The following RABEP1 variants were observed in gnomAD, a reference collection of about 807,000 sequenced individuals.
The protein encoded by RABEP1 is rabaptin, RAB GTPase binding effector protein 1.
In RABEP1, 51 loss-of-function variants were observed where a neutral mutation model predicts 123.4. That is an observed-to-expected ratio of 0.41 (90% confidence interval 0.33 to 0.52). The LOEUF (loss-of-function observed/expected upper bound fraction) is 0.52. RABEP1 is among the 20% of genes least tolerant of loss of function. The pLI, the probability that RABEP1 is intolerant of heterozygous loss-of-function variation, is 0.16. For missense variants in RABEP1, 888 were observed against 996.3 expected (o/e 0.89, Z 1.46); for synonymous variants, 347 against 355.2 (o/e 0.98, Z 0.26).
chr17:5,375,862 T>TTTTA (rs148587942), intron 13 of RABEP1, among the ~76,000 whole-genome samples: 39,496 of 149,832 alleles, frequency 0.26, 5,773 homozygotes, highest in East Asian at 0.58. Context: ...TTTTATTTCA[T>TTTTA]TTTATTTATT....
chr17:5,286,350 C>T (rs527696711), intron 1 of RABEP1, among the ~76,000 whole-genome samples: 12 of 152,148 alleles, frequency 7.9e-5, no homozygotes, highest in Admixed American at 4.6e-4. Context: ...AAAAGTTAGC[C>T]GGGTGTGGTG....
chr17:5,287,218 A>G (rs1460323503), intron 1 of RABEP1, among the ~76,000 whole-genome samples: 1 of 152,214 alleles, frequency 6.6e-6, no homozygotes, highest in African/African-American at 2.4e-5. Flanking sequence ...AGCTTTGAAC[A>G]GAGGAATGAT....
chr17:5,336,622 T>C, intron 4 of RABEP1: 1 of 373,524 alleles, frequency 2.7e-6, no homozygotes, highest in Admixed American at 4.4e-5. Flanking sequence ...AGGTTTTGTT[T>C]ATGATGACAT....
chr17:5,342,861 A>C (rs1399890597), intron 5 of RABEP1, among the ~76,000 whole-genome samples: 2 of 152,232 alleles, frequency 1.3e-5, no homozygotes, highest in Non-Finnish European at 2.9e-5. Context: ...GGATAAACAA[A>C]TGGATCAATA....
At chr17:5,334,789 C>G (rs565511760) in intron 3 of RABEP1, among the ~76,000 whole-genome samples, 16 of 152,260 alleles carry the variant, frequency 1.1e-4, no homozygotes, top group South Asian at 8.3e-4. Context: ...CGTATACTTT[C>G]AGGTAGTGGG....
chr17:5,327,296 C>T (rs559948937), intron 2 of RABEP1, among the ~76,000 whole-genome samples: 27 of 150,268 alleles, frequency 1.8e-4, no homozygotes, highest in East Asian at 1.6e-3. Context: ...TGCAGTGAGC[C>T]GAGATCATGC....
Position 5,313,344 on chromosome 17 carries a change from T to G in RABEP1, c.163+4522T>G, listed in dbSNP as rs537148122. Among the ~76,000 whole-genome samples the G allele has an allele frequency of 2.0e-5, 3 of 152,342 alleles. No individual in the cohort carries two copies. In the South Asian group the frequency reaches 6.2e-4, roughly 32 times the overall value. ...TGATGCTGGCTAATGATATCCATTT[T>G]CTCCTTTACCTCTTATACCAAAACC... On this transcript the variant is annotated intron_variant, in intron 2 of 17. Coordinates refer to ENST00000537505, the MANE Select transcript of RABEP1 (RefSeq NM_004703.6).
chr17:5,361,003 A>T, intron 8 of RABEP1: 1 of 569,884 alleles, frequency 1.8e-6, no homozygotes, highest in Non-Finnish European at 3.1e-6. Context: ...GTCAGGGATT[A>T]TATCTTGCTC....
In RABEP1 at chr17:5,383,383, G is replaced by A. The variant is rs1476576547; in HGVS notation, c.*160G>A. ...AGAGGGAGAAGACTGTGCGGCACAGGAAACAGCAAACAGTGGGGTGATCTG... is the reference window on the plus strand; with the variant it reads ...AGAGGGAGAAGACTGTGCGGCACAGAAAACAGCAAACAGTGGGGTGATCTG... On this transcript the variant is annotated 3_prime_UTR_variant, in exon 18 of 18. Transcript: ENST00000537505. The A allele has an allele frequency of 7.9e-6, 5 of 635,308 alleles. No homozygotes were observed. In the East Asian group the frequency reaches 1.1e-4, roughly 14 times the overall value. The allele number at this position is 635,308 out of a possible 1,614,324, so 39.4% of individuals were successfully genotyped here.
chr17:5,286,802 A>C (rs1044108340), intron 1 of RABEP1, among the ~76,000 whole-genome samples: 1 of 152,234 alleles, frequency 6.6e-6, no homozygotes, highest in Non-Finnish European at 1.5e-5. Context: ...AACAAACGTA[A>C]GCAAATGATA....
At chr17:5,370,003 T>C (rs1219278780) in intron 12 of RABEP1, among the ~76,000 whole-genome samples, 1 of 152,180 alleles carries the variant, frequency 6.6e-6, no homozygotes, top group Non-Finnish European at 1.5e-5. Flanking sequence ...CCGGCCTCCT[T>C]CTTGTCTCTT....
chr17:5,365,090 G>C, intron 10 of RABEP1, 32 bp from the exon 11 acceptor site: 1 of 1,389,228 alleles, frequency 7.2e-7, no homozygotes, highest in Non-Finnish European at 9.8e-7. Context: ...AAAGGATTCT[G>C]GTTTTTCTAA....
At chr17:5,318,855 C>G (rs968661886) in intron 2 of RABEP1, among the ~76,000 whole-genome samples, 1 of 152,154 alleles carries the variant, frequency 6.6e-6, no homozygotes, top group African/African-American at 2.4e-5. Context: ...AAGTTATACA[C>G]TGCAGCCACG....
At chr17:5,290,699 C>T (rs199747951) in intron 1 of RABEP1, among the ~76,000 whole-genome samples, 2 of 152,008 alleles carry the variant, frequency 1.3e-5, no homozygotes, top group East Asian at 3.9e-4. Context: ...TTCAAGTGAT[C>T]CTTTCATCTC....
rs144187933 is a variant in RABEP1, at chr17:5,382,372, G to A, written c.2488-750G>A. ...GCTGGGATTACAGGCGTGAGCCACCGTGCCCGGACTGGAACTGTGGATTCT... is the reference window on the plus strand; with the variant it reads ...GCTGGGATTACAGGCGTGAGCCACCATGCCCGGACTGGAACTGTGGATTCT... On this transcript the variant is annotated intron_variant, in intron 17 of 17. Transcript: ENST00000537505. Among the ~76,000 whole-genome samples the A allele has an allele frequency of 5.9e-3, 890 of 151,476 alleles. 6 individuals are homozygous for A. The highest frequency in any genetic ancestry group is 0.02 in the African/African-American group (835 of 41,338).
intron 4 of RABEP1, among the ~76,000 whole-genome samples, chr17:5,335,924 A>C (rs1386126581): frequency 6.6e-6 from 1 of 151,902 alleles, no homozygotes; most frequent in African/African-American, 2.4e-5. Context: ...TCTAAAGCAA[A>C]GTTTTAGAAT....
intron 2 of RABEP1, among the ~76,000 whole-genome samples, chr17:5,321,558 C>T (rs755707800): frequency 1.7e-4 from 26 of 150,890 alleles, no homozygotes; most frequent in Middle Eastern, 3.4e-3. Context: ...TGCAGTGAGC[C>T]GTATTTGTGC....
chr17:5,292,556 G>A (rs537367555), intron 1 of RABEP1, among the ~76,000 whole-genome samples: 6 of 152,040 alleles, frequency 3.9e-5, no homozygotes, highest in African/African-American at 1.4e-4. Context: ...GGCTAACTTT[G>A]TATTTTTAGT....
At chr17:5,354,776 CT>C (rs1480052174) in intron 8 of RABEP1, among the ~76,000 whole-genome samples, 9 of 152,098 alleles carry the variant, frequency 5.9e-5, no homozygotes, top group Non-Finnish European at 1.2e-4. Flanking sequence ...TCTGCAAAAT[CT>C]TTTTTGATGT....
Sources: allele counts gnomAD v4.1 joint callset (sites outside exome capture counted in the v4.1 genomes callset), GRCh38; gene constraint gnomAD v4.1.1; transcripts MANE v1.5; gene names NCBI Gene and HGNC (gene_info 2026-07-23, HGNC 2026-07-21).